RBMS3: variants seen among roughly 807,000 people sequenced by gnomAD.
RBMS3 encodes RNA-binding motif, single-stranded-interacting protein 3.
RBMS3 carries 27 observed loss-of-function variants against 66.8 expected under a neutral mutation model. That is an observed-to-expected ratio of 0.40 (90% CI 0.30 to 0.56). The LOEUF (loss-of-function observed/expected upper bound fraction) is 0.56. Ranked by LOEUF, RBMS3 falls within the 20% of genes least tolerant of loss-of-function variation. The pLI is 0.40. For synonymous variants in RBMS3, 188 were observed against 183.0 expected, an observed-to-expected ratio of 1.03 and a Z score of -0.22; for missense variants, 513 against 549.5, an observed-to-expected ratio of 0.93 and a Z score of 0.66.
In RBMS3 at chr3:29,332,801, A is replaced by G. The variant is rs941536131; in HGVS notation, c.75+51045A>G. On this transcript the variant is annotated intron_variant, in intron 1 of 14. Transcript: ENST00000383767. ...TATTTTTCAGAATCTTGCCCCAAAT[A>G]TATAATTGATAACATTGGAAAATAA... 2.0e-5 allele frequency among the ~76,000 whole-genome samples: 3 copies of G among 152,172 alleles called. No homozygotes were observed. In the South Asian group the frequency reaches 6.2e-4, roughly 31 times the overall value.
chr3:29,390,874 A>G (rs1244042914), intron 1 of RBMS3: 2 of 163,608 alleles, frequency 1.2e-5, no homozygotes, highest in Non-Finnish European at 2.7e-5. Flanking sequence ...TTGCTGCTGG[A>G]GGCGTAGTGG....
chr3:29,371,180 C>T (rs1342888996), intron 1 of RBMS3, among the ~76,000 whole-genome samples: 1 of 152,186 alleles, frequency 6.6e-6, no homozygotes, highest in Non-Finnish European at 1.5e-5. Flanking sequence ...TTCACTCATA[C>T]CTGTGGTTTC....
intron 11 of RBMS3, among the ~76,000 whole-genome samples, chr3:29,938,095 T>C (rs2061311215): frequency 1.3e-5 from 2 of 151,976 alleles, no homozygotes; most frequent in Non-Finnish European, 2.9e-5. Context: ...TGCAAACTAG[T>C]AGAAATATAA....
intron 5 of RBMS3, among the ~76,000 whole-genome samples, chr3:29,747,404 AG>A (rs2054963506): frequency 4.1e-5 from 5 of 121,014 alleles, no homozygotes; most frequent in East Asian, 2.1e-4. Flanking sequence ...ATAGATAGAT[AG>A]ATAGATAGAT....
At chr3:29,719,893 C>T (rs1486969934) in intron 4 of RBMS3, among the ~76,000 whole-genome samples, 3 of 152,094 alleles carry the variant, frequency 2.0e-5, no homozygotes, top group Non-Finnish European at 4.4e-5. Context: ...AATTGGAACT[C>T]GGCTCCATTT....
rs181566341 is a variant in RBMS3 at position 29,303,171 on chromosome 3, A to G, written c.75+21415A>G. Among the ~76,000 whole-genome samples, 301 of 152,172 alleles carry G rather than the reference A, an allele frequency of 2.0e-3. 1 individual carries two copies. Among genetic ancestry groups the G allele is most frequent in the South Asian group, 0.016 (79 of 4,828 alleles). On this transcript the variant is annotated intron_variant, in intron 1 of 14. Coordinates refer to ENST00000383767, the MANE Select transcript of RBMS3 (RefSeq NM_001003793.3). ...CCTGCTGTTTATTTGTTCATTCACT[A>G]GGAAGCAGAGCTATAGAATTTTATA...
At chr3:29,394,801 C>T (rs1427535808) in intron 1 of RBMS3, among the ~76,000 whole-genome samples, 3 of 152,160 alleles carry the variant, frequency 2.0e-5, no homozygotes, top group Non-Finnish European at 4.4e-5. Context: ...ATTGCCTCTC[C>T]TGTTACTTTT....
chr3:29,805,068 G>A (rs1182745025), intron 6 of RBMS3, among the ~76,000 whole-genome samples: 1 of 151,846 alleles, frequency 6.6e-6, no homozygotes, highest in African/African-American at 2.4e-5. Context: ...TTTGAATAAG[G>A]TTAGATTTCT....
chr3:29,759,718 C>T (rs914752786), intron 5 of RBMS3, among the ~76,000 whole-genome samples: 1 of 152,102 alleles, frequency 6.6e-6, no homozygotes, highest in African/African-American at 2.4e-5. Flanking sequence ...TTTCCTCCCC[C>T]CCCAGAGCTT....
At chr3:29,709,158 C>T (rs568649876) in intron 4 of RBMS3, among the ~76,000 whole-genome samples, 105 of 152,256 alleles carry the variant, frequency 6.9e-4, no homozygotes, top group African/African-American at 2.4e-3. Context: ...ATACACATGA[C>T]TCCCTCTAAA....
chr3:29,965,859 A>G (rs942734052), intron 12 of RBMS3, among the ~76,000 whole-genome samples: 3 of 152,130 alleles, frequency 2.0e-5, no homozygotes, highest in African/African-American at 7.2e-5. Flanking sequence ...TTATAATTTC[A>G]GGTCTTAGGT....
intron 2 of RBMS3, among the ~76,000 whole-genome samples, chr3:29,439,955 G>A (rs974100578): frequency 1.3e-5 from 2 of 152,152 alleles, no homozygotes; most frequent in Admixed American, 1.3e-4. Flanking sequence ...CTTATCTCAG[G>A]AAGACCAGAC....
intron 6 of RBMS3, among the ~76,000 whole-genome samples, chr3:29,836,064 T>C (rs1339691778): frequency 6.6e-6 from 1 of 151,950 alleles, no homozygotes; most frequent in Non-Finnish European, 1.5e-5. Flanking sequence ...GTCTGAATCA[T>C]GATGAAACAG....
chr3:29,992,830 G>A (rs1262885214), intron 14 of RBMS3, among the ~76,000 whole-genome samples: 1 of 119,270 alleles, frequency 8.4e-6, no homozygotes, highest in African/African-American at 2.7e-5. Flanking sequence ...GATATTGAGG[G>A]TGGTCATATC....
At chr3:29,998,752 T>C (rs1699418996) in intron 14 of RBMS3, among the ~76,000 whole-genome samples, 1 of 152,074 alleles carries the variant, frequency 6.6e-6, no homozygotes, top group African/African-American at 2.4e-5. Flanking sequence ...TTACACCTTA[T>C]ACAAAAATTA....
intron 6 of RBMS3, among the ~76,000 whole-genome samples, chr3:29,839,877 C>T (rs1176396955): frequency 1.3e-5 from 2 of 151,706 alleles, no homozygotes; most frequent in Admixed American, 6.6e-5. Context: ...AAAAAAATTG[C>T]CAAAACATAA....
intron 3 of RBMS3, among the ~76,000 whole-genome samples, chr3:29,526,890 C>CT (rs11420046): frequency 0.67 from 102,088 of 151,690 alleles, 35,077 homozygotes; most frequent in African/African-American, 0.82. Flanking sequence ...TCACCCCTCC[C>CT]TTTATCTCTT....
At chr3:29,324,428 C>T (rs111804568) in intron 1 of RBMS3, among the ~76,000 whole-genome samples, 6,515 of 152,272 alleles carry the variant, frequency 0.043, 160 homozygotes, top group South Asian at 0.069. Context: ...GCCAGGTCTT[C>T]TCATGTAATT....
intron 1 of RBMS3, among the ~76,000 whole-genome samples, chr3:29,351,301 G>T (rs2036899752): frequency 6.6e-6 from 1 of 152,226 alleles, no homozygotes; most frequent in Non-Finnish European, 1.5e-5. Context: ...TTACATCAAA[G>T]AAATCCTGAG....
Sources: allele counts gnomAD v4.1 joint callset (sites outside exome capture counted in the v4.1 genomes callset), GRCh38; gene constraint gnomAD v4.1.1; transcripts MANE v1.5; gene names NCBI Gene and HGNC (gene_info 2026-07-23, HGNC 2026-07-21).